EMILIN1: variants seen among roughly 807,000 people sequenced by gnomAD.
The protein encoded by EMILIN1 is EMILIN-1.
A neutral mutation model predicts 82.4 loss-of-function variants in EMILIN1; 49 were observed. That is an observed-to-expected ratio of 0.59 (90% CI 0.47 to 0.75). The LOEUF (loss-of-function observed/expected upper bound fraction) is 0.75. Ranked by LOEUF, EMILIN1 falls within the 30% of genes least tolerant of loss-of-function variation. EMILIN1 has a pLI of 0.00. For synonymous variants in EMILIN1, 604 were observed against 602.2 expected (o/e 1.00, Z -0.04); for missense variants, 1,313 against 1,366.4 (o/e 0.96, Z 0.62).
rs746726531 is a variant in EMILIN1, at chr2:27,080,138, G to C, written c.171-13G>C. On this transcript the variant is annotated splice_polypyrimidine_tract_variant and intron_variant, in intron 1 of 7. Coordinates refer to ENST00000380320, the MANE Select transcript of EMILIN1 (RefSeq NM_007046.4). The stretch of plus-strand genomic sequence containing the variant: ...TCTTTGGTCCTTGGACCCAGAGGGG[G>C]TTGTACCTACAGGAACTGGTGTGCC... The C allele has an allele frequency of 6.2e-7, 1 of 1,613,806 alleles. No homozygotes were observed. The highest frequency in any genetic ancestry group is 8.5e-7 in the Non-Finnish European group (1 of 1,179,786).
Position 27,082,087 on chromosome 2 carries a change from T to C in EMILIN1, c.516T>C (p.Pro172=), listed in dbSNP as rs1669485316. The C allele has an allele frequency of 1.9e-6, 3 of 1,611,264 alleles. No individual in the cohort carries two copies. The highest frequency in any genetic ancestry group is 4.5e-5 in the East Asian group (2 of 44,834). The change falls in exon 4 of 8, where the codon CCT becomes CCC. Residue 172 remains proline (P), a synonymous_variant. Coordinates refer to ENST00000380320, the MANE Select transcript of EMILIN1 (RefSeq NM_007046.4). ...TCTGCCTTCCCCTCTCCTCAGGTCC[T>C]GGGGAGTCAGAGAAGGTGCAGCAGC... ...SPLSGLGGEG[P]GESEKVQQLE...
In EMILIN1 at chr2:27,083,249, C is replaced by T. The variant is rs1281953318; in HGVS notation, c.1678C>T (p.Leu560=). Residue 560 remains leucine, a synonymous_variant, in exon 4 of 8, where the codon CTG becomes TTG. Transcript: ENST00000380320. ...GACAGCTGCAGAGTTCACACTACGGCTGAATCTCACTGCGGCCCGGCTAGG... is the reference window on the plus strand; with the variant it reads ...GACAGCTGCAGAGTTCACACTACGGTTGAATCTCACTGCGGCCCGGCTAGG... The part of the protein sequence containing the change: ...DETAAEFTLR[L]NLTAARLGQL... 1.2e-6 allele frequency: 2 copies of T among 1,612,228 alleles called. No individual in the cohort carries two copies. Among genetic ancestry groups the T allele is most frequent in the African/African-American group, 1.3e-5 (1 of 75,006 alleles).
In EMILIN1 at chr2:27,086,185, C is replaced by T. The variant is rs1023011244; in HGVS notation, c.*170C>T. On this transcript the variant is annotated 3_prime_UTR_variant, in exon 8 of 8. Coordinates refer to ENST00000380320, the MANE Select transcript of EMILIN1 (RefSeq NM_007046.4). ...TCCCCACGCCCGGGGCGCGCCGGCT[C>T]AGGGAGGCTCGGGGCCGCCCATGCA... The T allele has an allele frequency of 3.0e-5, 13 of 432,432 alleles. No homozygotes were observed. Among genetic ancestry groups the T allele is most frequent in the Non-Finnish European group, 4.3e-5 (11 of 258,712 alleles). The allele number at this position is 432,432 out of a possible 1,614,324, so 26.8% of individuals were successfully genotyped here. A position where few individuals can be genotyped will look rare whatever the true frequency, so the allele number is the denominator to read the frequency against.
rs752725805 is a variant in EMILIN1 at position 27,082,211 on chromosome 2, G to A, written c.640G>A (p.Val214Met). 1 of 1,613,600 alleles carries A rather than the reference G, an allele frequency of 6.2e-7. No homozygotes were observed. The highest frequency in any genetic ancestry group is 8.5e-7 in the Non-Finnish European group (1 of 1,180,014). ...GRLAEDVQRA[V>M]ETAFNGRQQP... ...CCTGGCAGAGGATGTGCAGAGGGCT[G>A]TGGAGACGGCCTTCAACGGGAGGCA... The change falls in exon 4 of 8, where the codon GTG becomes ATG. Residue 214 changes from valine (V) to methionine (M), a missense_variant. Transcript: ENST00000380320.
In EMILIN1 at chr2:27,080,970, T is replaced by G; in HGVS notation, c.511+18T>G. ...GGGAGAAGGTGAGTGTGGGAGCTGC[T>G]GCGAGGGTGGCAAGTTCCAAATGGT... On this transcript the variant is annotated intron_variant, in intron 3 of 7. Coordinates refer to ENST00000380320, the MANE Select transcript of EMILIN1 (RefSeq NM_007046.4). 1 of 1,531,642 alleles carries G rather than the reference T, an allele frequency of 6.5e-7. No homozygotes were observed. Among genetic ancestry groups the G allele is most frequent in the South Asian group, 1.2e-5 (1 of 83,642 alleles). The allele number at this position is 1,531,642 out of a possible 1,614,324, so 94.9% of individuals were successfully genotyped here.
chr2:27,081,585 T>C lies in EMILIN1; in HGVS notation c.512-498T>C, dbSNP rs371555789. 2.6e-5 allele frequency among the ~76,000 whole-genome samples: 4 copies of C among 152,014 alleles called. No homozygotes were observed. The East Asian group carries it at 7.7e-4, about 29-fold the overall frequency. On this transcript the variant is annotated intron_variant, in intron 3 of 7. Coordinates refer to ENST00000380320, the MANE Select transcript of EMILIN1 (RefSeq NM_007046.4). The stretch of plus-strand genomic sequence containing the variant: ...GTTGCAGGGAAGTGTCACCCAGTGG[T>C]AGCTACTGTTGTGGCATCCAGAGTG...
rs749684844 is a variant in EMILIN1, at chr2:27,082,408, A to G, written c.837A>G (p.Pro279=). The G allele has an allele frequency of 6.2e-7, 1 of 1,607,454 alleles. No homozygotes were observed. Among genetic ancestry groups the G allele is most frequent in the Admixed American group, 1.7e-5 (1 of 59,734 alleles). Residue 279 remains proline (P), a synonymous_variant, in exon 4 of 8, where the codon CCA becomes CCG. Transcript: ENST00000380320. ...SSSGGSRAPA[P]ASAPPGPSEE... ...GTGGGGGCAGCAGGGCCCCAGCCCC[A>G]GCCTCAGCCCCTCCGGGCCCCAGTG...
chr2:27,081,688 A>G (rs891976036), intron 3 of EMILIN1, among the ~76,000 whole-genome samples: 3 of 152,224 alleles, frequency 2.0e-5, no homozygotes, highest in African/African-American at 7.2e-5. Context: ...AGAAGAGGAA[A>G]GAGTTTCCAA....
intron 3 of EMILIN1, 139 bp from the exon 4 acceptor site, chr2:27,081,944 T>C (rs1210283091): frequency 9.4e-7 from 1 of 1,063,600 alleles, no homozygotes; most frequent in African/African-American, 1.6e-5. Context: ...ATGGAGTTTC[T>C]TTTTTTTTCT....
At chr2:27,081,108 CGTGTGTGTGTGTGT>C (rs56048649) in intron 3 of EMILIN1, among the ~76,000 whole-genome samples, 156 bp downstream of exon 3, 7 of 142,656 alleles carry the variant, frequency 4.9e-5, no homozygotes, top group East Asian at 4.3e-4. Flanking sequence ...ATTCCCTGCC[CGTGTGTGTGTGTGT>C]GTGTGTGTGT....
intron 1 of EMILIN1, among the ~76,000 whole-genome samples, chr2:27,079,693 G>A (rs2011616): frequency 0.37 from 56,185 of 152,044 alleles, 10,899 homozygotes; most frequent in Admixed American, 0.52. Flanking sequence ...TCCCCAAGAG[G>A]GGCAGGCTCA....
intron 7 of EMILIN1, 121 bp from the exon 8 acceptor site, chr2:27,085,556 AG>A (rs1229528695): frequency 9.7e-7 from 1 of 1,032,634 alleles, no homozygotes; most frequent in Admixed American, 2.4e-5. Flanking sequence ...CAAAGCCCCC[AG>A]TTCCCTGCCG....
In EMILIN1 at chr2:27,083,474, A is replaced by C; in HGVS notation, c.1903A>C (p.Ser635Arg). 6.2e-7 allele frequency: 1 copy of C among 1,613,296 alleles called. No homozygotes were observed. The highest frequency in any genetic ancestry group is 1.3e-5 in the African/African-American group (1 of 75,034). The change falls in exon 4 of 8, where the codon AGC (serine) becomes CGC (arginine). Residue 635 changes from serine to arginine, a missense_variant. Coordinates refer to ENST00000380320, the MANE Select transcript of EMILIN1 (RefSeq NM_007046.4). ...GGACGGCTTCAGCGTGTTTGGGGGC[A>C]GCTCAGGCTCAGCCCTGCAGGCCCT... ...PLDGFSVFGG[S>R]SGSALQALQG...
rs552677456 is a variant in EMILIN1, at chr2:27,082,788, G to A, written c.1217G>A (p.Arg406His). The A allele has an allele frequency of 8.4e-6, 13 of 1,545,388 alleles. No homozygotes were observed. Among genetic ancestry groups the A allele is most frequent in the South Asian group, 4.7e-5 (4 of 84,860 alleles). Residue 406 changes from arginine (R) to histidine (H), a missense_variant, in exon 4 of 8, where the codon CGC (arginine) becomes CAC (histidine). By Grantham distance (29) the Arg-to-His change is conservative. Coordinates refer to ENST00000380320, the MANE Select transcript of EMILIN1 (RefSeq NM_007046.4). ...CCAGGCTACACCAGCTTGGCCTCCC[G>A]CCTGTCTCGCCTGGAGGACCGCTTC... ...HPPGYTSLAS[R>H]LSRLEDRFNS... is the part of the protein sequence containing the mutation.
At position 27,084,477 on chromosome 2, in the gene EMILIN1, G is replaced by A; in HGVS notation, c.2503G>A (p.Gly835Arg). ...PGLQGPPGPA[G>R]PPGSPGKDGQ... ...GCTGCAGGGACCCCCAGGCCCTGCT[G>A]GACCTCCAGGATCACCAGGCAAGGA... Residue 835 changes from glycine to arginine, a missense_variant, in exon 5 of 8, where the codon GGA (glycine) becomes AGA (arginine). Transcript: ENST00000380320. 6.2e-7 allele frequency: 1 copy of A among 1,613,192 alleles called. No individual in the cohort carries two copies. The highest frequency in any genetic ancestry group is 8.5e-7 in the Non-Finnish European group (1 of 1,179,876).
rs1669584478 is a variant in EMILIN1 at position 27,085,276 on chromosome 2, G to A, written c.2692G>A (p.Gly898Ser). Residue 898 changes from glycine (G) to serine (S), a missense_variant, in exon 7 of 8, where the codon GGC (glycine) becomes AGC (serine). Gly to Ser is a moderately conservative substitution (Grantham distance 56, BLOSUM62 0). Coordinates refer to ENST00000380320, the MANE Select transcript of EMILIN1 (RefSeq NM_007046.4). ...CGACAGAGTCCTGCTCAATGATGGA[G>A]GCTATTATGATCCAGAGACAGGTAG... is the stretch of plus-strand genomic sequence containing the variant. ...PFDRVLLNDG[G>S]YYDPETGVFT... 2 of 1,613,962 alleles carry A rather than the reference G, an allele frequency of 1.2e-6. No individual in the cohort carries two copies. The highest frequency in any genetic ancestry group is 3.3e-5 in the Admixed American group (2 of 60,018).
At chr2:27,085,115 AC>A (rs1483435950) in intron 6 of EMILIN1, 44 bp from the exon 7 acceptor site, 1 of 1,613,550 alleles carries the variant, frequency 6.2e-7, no homozygotes, top group African/African-American at 1.3e-5. Flanking sequence ...GGGGGCTGGC[AC>A]TCTGCCCTGA....
chr2:27,082,249 C>T lies in EMILIN1; in HGVS notation c.678C>T (p.Asp226=), dbSNP rs781217129. 1.1e-5 allele frequency: 18 copies of T among 1,613,110 alleles called. No homozygotes were observed. The highest frequency in any genetic ancestry group is 2.2e-5 in the East Asian group (1 of 44,892). ...TCAACGGGAGGCAGCAGCCAGCTGA[C>T]GCGGCTGCCCGCCCTGGGGTGCATG... is the stretch of plus-strand genomic sequence containing the variant. ...TAFNGRQQPA[D]AAARPGVHET... is the part of the protein sequence containing the mutation. The change falls in exon 4 of 8, where the codon GAC becomes GAT. Residue 226 remains aspartate (D), a synonymous_variant. Coordinates refer to ENST00000380320, the MANE Select transcript of EMILIN1 (RefSeq NM_007046.4).
rs1432706784 is a variant in EMILIN1 at position 27,080,793 on chromosome 2, T to G, written c.352T>G (p.Trp118Gly). ...CTACAAGACAGTGACCGACATGGAG[T>G]GGAGGTGCTGTCAGGGTTATGGGGG... ...VAYKTVTDME[W>G]RCCQGYGGDD... Residue 118 changes from tryptophan to glycine, a missense_variant, in exon 3 of 8, where the codon TGG (tryptophan) becomes GGG (glycine). By Grantham distance (184) the Trp-to-Gly change is radical (BLOSUM62 -2). Transcript: ENST00000380320. The G allele has an allele frequency of 6.2e-7, 1 of 1,613,472 alleles. No homozygotes were observed. The highest frequency in any genetic ancestry group is 8.5e-7 in the Non-Finnish European group (1 of 1,179,940).
Sources: allele counts gnomAD v4.1 joint callset (sites outside exome capture counted in the v4.1 genomes callset), GRCh38; gene constraint gnomAD v4.1.1; transcripts MANE v1.5; gene names NCBI Gene and HGNC (gene_info 2026-07-23, HGNC 2026-07-21).